MAP6: variants seen among roughly 807,000 people sequenced by gnomAD.
The protein encoded by MAP6 is microtubule-associated protein 6.
Under a neutral mutation model 42.4 loss-of-function variants are expected in MAP6, and 26 were observed. The observed-to-expected ratio is 0.61, with a 90% CI of 0.45 to 0.85. The LOEUF (loss-of-function observed/expected upper bound fraction) is 0.85. MAP6 is among the 40% of genes least tolerant of loss of function. The pLI is 0.00. For synonymous variants in MAP6, 418 were observed against 443.8 expected, an observed-to-expected ratio of 0.94 and a Z score of 0.73; for missense variants, 966 against 1,099.0, an observed-to-expected ratio of 0.88 and a Z score of 1.71.
At position 75,667,792 on chromosome 11, in the gene MAP6, G is replaced by A. The variant is rs1160263874; in HGVS notation, c.578C>T (p.Ala193Val). Residue 193 changes from alanine to valine, a missense_variant, in exon 1 of 4, where the codon GCG becomes GTG. Ala to Val is a moderately conservative substitution (Grantham distance 64). Transcript: ENST00000304771. This position sits in a 1 kb window ranked among gnomAD's most constrained non-coding sequence, Gnocchi z 5.6. ...CTGGCTCTGCGGCCGGCGCTTGGGC[G>A]CCCCGAGAATGGGCGCCGACGCCTG... ...ASQASAPILG[A>V]PKRRPQSQER... is the part of the protein sequence containing the mutation. The A allele has an allele frequency of 6.9e-6, 9 of 1,305,836 alleles. No homozygotes were observed. The highest frequency in any genetic ancestry group is 4.9e-6 in the Non-Finnish European group (5 of 1,026,290). 80.9% of individuals were successfully genotyped at this position (1,305,836 alleles called of 1,614,324 possible). A position where few individuals can be genotyped will look rare whatever the true frequency, so the allele number is the denominator to read the frequency against.
chr11:75,654,260 G>A (rs1396459657), intron 1 of MAP6, among the ~76,000 whole-genome samples: 8 of 152,116 alleles, frequency 5.3e-5, no homozygotes, highest in Non-Finnish European at 1.2e-4. Flanking sequence ...GAGGAAAGCA[G>A]GAATTACAAG....
chr11:75,665,589 G>A (rs1422450306), intron 1 of MAP6, among the ~76,000 whole-genome samples: 2 of 152,158 alleles, frequency 1.3e-5, no homozygotes, highest in Admixed American at 1.3e-4. Flanking sequence ...GCCAGACGTG[G>A]GCTTCTCAGG....
intron 1 of MAP6, among the ~76,000 whole-genome samples, chr11:75,665,097 A>G (rs546233870): frequency 1.3e-5 from 2 of 152,354 alleles, no homozygotes; most frequent in South Asian, 2.1e-4. Context: ...TGAGGTGTTC[A>G]AAGATTTTTT....
chr11:75,596,953 T>A (rs79930744), intron 3 of MAP6, among the ~76,000 whole-genome samples: 2,762 of 152,272 alleles, frequency 0.018, 60 homozygotes, highest in East Asian at 0.084. Context: ...CTACAGATAG[T>A]CCCAAGTGCT....
At chr11:75,656,729 T>C (rs1208379926) in intron 1 of MAP6, among the ~76,000 whole-genome samples, 1 of 152,262 alleles carries the variant, frequency 6.6e-6, no homozygotes, top group Admixed American at 6.5e-5. Flanking sequence ...CTGATCTTCT[T>C]TTCTGTTCTA....
chr11:75,627,639 G>C (rs542390303), intron 1 of MAP6, among the ~76,000 whole-genome samples: 139 of 152,244 alleles, frequency 9.1e-4, no homozygotes, highest in Non-Finnish European at 1.4e-3. Context: ...GAAGCTTCTT[G>C]GTTCCAGAAA....
intron 1 of MAP6, among the ~76,000 whole-genome samples, chr11:75,629,963 G>A (rs1407868594): frequency 1.3e-5 from 2 of 152,204 alleles, no homozygotes; most frequent in East Asian, 3.8e-4. Context: ...ACCACAATAA[G>A]TAACTACAGC....
In MAP6 at chr11:75,605,915, C is replaced by T. The variant is rs1342448222; in HGVS notation, c.1209G>A (p.Val403=). 1.9e-6 allele frequency: 3 copies of T among 1,614,050 alleles called. No individual in the cohort carries two copies. The change falls in exon 3 of 4, where the codon GTG becomes GTA. Residue 403 remains valine (V), a synonymous_variant. Coordinates refer to ENST00000304771, the MANE Select transcript of MAP6 (RefSeq NM_033063.2). ...TCTTTTTCTTGGCAGCCTGGCCTGA[C>T]ACCGCCTGCTTGTCTTTGGCCTTCC... is the stretch of plus-strand genomic sequence containing the variant. ...PTRKAKDKQA[V]SGQAAKKKSA... is the part of the protein sequence containing the mutation.
chr11:75,651,530 T>A (rs200135350), intron 1 of MAP6, among the ~76,000 whole-genome samples: 7 of 152,264 alleles, frequency 4.6e-5, no homozygotes, highest in Non-Finnish European at 7.3e-5. Context: ...GTCCATTTTT[T>A]AAAAAATTCC....
intron 1 of MAP6, among the ~76,000 whole-genome samples, chr11:75,624,841 T>C (rs929206474): frequency 6.6e-6 from 1 of 152,190 alleles, no homozygotes; most frequent in Non-Finnish European, 1.5e-5. Context: ...GAACACACTT[T>C]GCACACAGCA....
intron 1 of MAP6, among the ~76,000 whole-genome samples, chr11:75,620,557 G>A (rs1392492500): frequency 1.3e-5 from 2 of 151,452 alleles, no homozygotes; most frequent in African/African-American, 4.8e-5. Flanking sequence ...ATTTTAAGAG[G>A]ACAGCATTTC....
At chr11:75,608,386 A>C (rs1319136914) in intron 1 of MAP6, 64 bp from the exon 2 acceptor site, 2 of 1,334,028 alleles carry the variant, frequency 1.5e-6, no homozygotes, top group Non-Finnish European at 2.1e-6. Flanking sequence ...AGCTCCTGAC[A>C]CAGGGCTGCA....
intron 1 of MAP6, among the ~76,000 whole-genome samples, chr11:75,663,340 A>G (rs1429780286): frequency 6.6e-6 from 1 of 152,142 alleles, no homozygotes; most frequent in Non-Finnish European, 1.5e-5. Flanking sequence ...ATTATGACTC[A>G]TTTATTTGGT....
At chr11:75,652,836 G>GAAA (rs560714756) in intron 1 of MAP6, among the ~76,000 whole-genome samples, 3 of 101,352 alleles carry the variant, frequency 3.0e-5, no homozygotes, top group Non-Finnish European at 6.3e-5. Context: ...CTCCATCTCA[G>GAAA]AAAAAAAAAA....
chr11:75,645,032 C>T (rs1361620196), intron 1 of MAP6, among the ~76,000 whole-genome samples: 1 of 152,152 alleles, frequency 6.6e-6, no homozygotes, highest in Non-Finnish European at 1.5e-5. Context: ...GGCATGGATT[C>T]CATACAGGAA....
intron 1 of MAP6, among the ~76,000 whole-genome samples, chr11:75,621,882 G>A (rs1414570356): frequency 1.3e-5 from 2 of 152,042 alleles, no homozygotes; most frequent in Admixed American, 6.6e-5. Context: ...AATTAGCCAG[G>A]TGTTGTGGTG....
chr11:75,657,825 TTCTG>T (rs1233542296), intron 1 of MAP6, among the ~76,000 whole-genome samples: 1 of 152,190 alleles, frequency 6.6e-6, no homozygotes, highest in Non-Finnish European at 1.5e-5. Flanking sequence ...ATATTGACAC[TTCTG>T]TCTTTCTCTT....
chr11:75,627,200 C>G (rs1316227522), intron 1 of MAP6, among the ~76,000 whole-genome samples: 1 of 152,238 alleles, frequency 6.6e-6, no homozygotes, highest in African/African-American at 2.4e-5. Context: ...CCTGACTTCC[C>G]AACAATGGGA....
At chr11:75,596,587 G>A (rs938211495) in intron 3 of MAP6, 5 of 152,468 alleles carry the variant, frequency 3.3e-5, no homozygotes, top group Admixed American at 6.5e-5. Context: ...CTTAGCCCCA[G>A]AAAGCAGTGG....
Sources: gnomAD v4.1 joint callset for allele counts (sites outside exome capture counted in the v4.1 genomes callset) on GRCh38, gnomAD v4.1.1 for gene constraint, Gnocchi (gnomAD v3.1) non-coding constraint, MANE v1.5 for transcripts, NCBI Gene and HGNC (gene_info 2026-07-23, HGNC 2026-07-21) for gene names.